Variants in SIK2 observed in about 807,000 individuals in gnomAD.
The protein encoded by SIK2 is serine/threonine-protein kinase SIK2.
Under a neutral mutation model 103.2 loss-of-function variants are expected in SIK2, and 29 were observed. That is an observed-to-expected ratio of 0.28 (90% CI 0.21 to 0.38). The LOEUF is 0.38. Among genes scored for constraint, SIK2 ranks in the 10% least tolerant of loss-of-function variants. SIK2 has a pLI of 1.00. For missense variants in SIK2, 879 were observed against 1,171.0 expected, an observed-to-expected ratio of 0.75 and a Z score of 3.64; for synonymous variants, 412 against 446.1, an observed-to-expected ratio of 0.92 and a Z score of 0.96.
At chr11:111,715,782 G>C (rs1483909695) in intron 9 of SIK2, among the ~76,000 whole-genome samples, 1 of 139,906 alleles carries the variant, frequency 7.1e-6, no homozygotes, top group Admixed American at 7.2e-5. Context: ...GCACACTTGA[G>C]TCATTTTTAG....
chr11:111,723,224 A>G (rs1171441086), intron 14 of SIK2, among the ~76,000 whole-genome samples: 4 of 152,188 alleles, frequency 2.6e-5, no homozygotes, highest in South Asian at 2.1e-4. Flanking sequence ...CAGAAGGGAA[A>G]TCATCCTCTC....
Position 111,722,074 on chromosome 11 carries a change from CT to C in SIK2, c.2055+135del, listed in dbSNP as rs1943819404. 6.8e-6 allele frequency: 4 copies of C among 590,096 alleles called. No homozygotes were observed. The allele number at this position is 590,096 out of a possible 1,614,324, so 36.6% of individuals were successfully genotyped here. On this transcript the variant is annotated intron_variant, in intron 13 of 14. Coordinates refer to ENST00000304987, the MANE Select transcript of SIK2 (RefSeq NM_015191.3). This position sits in a 1 kb window ranked among gnomAD's most constrained non-coding sequence, Gnocchi z 4.4. ...TCCTTATAGGCAAGTAGCTTTGACT[CT>C]GTACTTGGAGTTTCTAGAAACGTGT...
Position 111,688,727 on chromosome 11 carries a change from T to G in SIK2, c.478+565T>G, listed in dbSNP as rs1337876562. Among the ~76,000 whole-genome samples, 1 of 152,238 alleles carries G rather than the reference T, an allele frequency of 6.6e-6. No homozygotes were observed. Among genetic ancestry groups the G allele is most frequent in the African/African-American group, 2.4e-5 (1 of 41,468 alleles). On this transcript the variant is annotated intron_variant, in intron 4 of 14. Coordinates refer to ENST00000304987, the MANE Select transcript of SIK2 (RefSeq NM_015191.3). The surrounding 1 kb of genome is among the most constrained non-coding windows in gnomAD (Gnocchi z 4.2). ...CAGTTGTAAAATGTTTTATTTTATATTCTCAGTCTCTTTATTTACATAGTC... is the reference window on the plus strand; with the variant it reads ...CAGTTGTAAAATGTTTTATTTTATAGTCTCAGTCTCTTTATTTACATAGTC...
chr11:111,633,626 T>C (rs1205397804), intron 3 of SIK2, among the ~76,000 whole-genome samples: 3 of 152,206 alleles, frequency 2.0e-5, no homozygotes, highest in African/African-American at 7.2e-5. Context: ...TCCAGTATAC[T>C]GAGCAGTTTT....
In SIK2 at chr11:111,712,346, A is replaced by G. The variant is rs562930286; in HGVS notation, c.1237A>G (p.Met413Val). The part of the protein sequence containing the change: ...ASGCQAEAAF[M>V]EEECVDTPKV... ...TGGCTGTCAGGCGGAAGCTGCATTCATGGAAGAAGAGTGTGTGGACACTCC... is the reference window on the plus strand; with the variant it reads ...TGGCTGTCAGGCGGAAGCTGCATTCGTGGAAGAAGAGTGTGTGGACACTCC... Residue 413 changes from methionine to valine, a missense_variant, in exon 9 of 15, where the codon ATG (methionine) becomes GTG (valine). Transcript: ENST00000304987. 6 of 1,614,124 alleles carry G rather than the reference A, an allele frequency of 3.7e-6. No homozygotes were observed. Among genetic ancestry groups the G allele is most frequent in the East Asian group, 2.2e-5 (1 of 44,880 alleles).
intron 1 of SIK2, among the ~76,000 whole-genome samples, chr11:111,604,830 T>TG (rs1941627404): frequency 6.6e-6 from 1 of 152,144 alleles, no homozygotes; most frequent in Non-Finnish European, 1.5e-5. Flanking sequence ...TTGAGATGGG[T>TG]GAGGGTATCT....
chr11:111,638,926 C>T (rs1246953565), intron 3 of SIK2, among the ~76,000 whole-genome samples: 1 of 151,956 alleles, frequency 6.6e-6, no homozygotes, highest in Non-Finnish European at 1.5e-5. Context: ...CTTTACATTG[C>T]CAAGTTTCTG....
intron 3 of SIK2, among the ~76,000 whole-genome samples, chr11:111,674,604 TA>T (rs1942676343): frequency 6.6e-6 from 1 of 152,230 alleles, no homozygotes; most frequent in Admixed American, 6.5e-5. Flanking sequence ...GCATGTATAA[TA>T]GTTAAGGAAC....
At chr11:111,712,723 A>G (rs925771412) in intron 9 of SIK2, among the ~76,000 whole-genome samples, 8 of 152,222 alleles carry the variant, frequency 5.3e-5, no homozygotes, top group Admixed American at 5.2e-4. Flanking sequence ...TTAATGCTGA[A>G]AACAAAAAAA....
At chr11:111,659,475 A>C (rs1231653624) in intron 3 of SIK2, among the ~76,000 whole-genome samples, 1 of 152,210 alleles carries the variant, frequency 6.6e-6, no homozygotes, top group Non-Finnish European at 1.5e-5. Context: ...CAGAAAGCTA[A>C]AAGATACCTT....
At position 111,722,580 on chromosome 11, in the gene SIK2, C is replaced by A; in HGVS notation, c.2056-85C>A. On this transcript the variant is annotated intron_variant, in intron 13 of 14. Transcript: ENST00000304987. This position sits in a 1 kb window ranked among gnomAD's most constrained non-coding sequence, Gnocchi z 4.4. ...GGATTCTGTAGAATGCAGTTAGATTCATCCTGCAGGCAGAAGCACATCTGA... is the reference window on the plus strand; with the variant it reads ...GGATTCTGTAGAATGCAGTTAGATTAATCCTGCAGGCAGAAGCACATCTGA... The A allele has an allele frequency of 7.9e-7, 1 of 1,268,480 alleles. No homozygotes were observed. Among genetic ancestry groups the A allele is most frequent in the Non-Finnish European group, 1.1e-6 (1 of 889,500 alleles). The allele number at this position is 1,268,480 out of a possible 1,614,324, so 78.6% of individuals were successfully genotyped here.
chr11:111,690,403 GT>G (rs576329543), intron 4 of SIK2, among the ~76,000 whole-genome samples: 2 of 145,418 alleles, frequency 1.4e-5, no homozygotes, highest in African/African-American at 2.5e-5. Flanking sequence ...TCTAGGAGTT[GT>G]TTTTTTTTCC....
chr11:111,726,868 C>G lies in SIK2; in HGVS notation c.*2739C>G. 2 of 1,113,188 alleles carry G rather than the reference C, an allele frequency of 1.8e-6. No homozygotes were observed. Among genetic ancestry groups the G allele is most frequent in the Non-Finnish European group, 2.7e-6 (2 of 750,796 alleles). 69.0% of individuals were successfully genotyped at this position (1,113,188 alleles called of 1,614,324 possible). ...TGTAAACCAGGCTCCTCTGAAGAGA[C>G]TTTGGTGAGATGAACGTGAGGTAAA... On this transcript the variant is annotated 3_prime_UTR_variant, in exon 15 of 15. Coordinates refer to ENST00000304987, the MANE Select transcript of SIK2 (RefSeq NM_015191.3).
At position 111,693,193 on chromosome 11, in the gene SIK2, A is replaced by G. The variant is rs568868266; in HGVS notation, c.478+5031A>G. On this transcript the variant is annotated intron_variant, in intron 4 of 14. Transcript: ENST00000304987. ...CTAAAAATACAAAAATTAGCTGGGC[A>G]TGGTGGTGCATGCCTGTAATCCCAG... is the stretch of plus-strand genomic sequence containing the variant. Among the ~76,000 whole-genome samples, 105 of 152,198 alleles carry G rather than the reference A, an allele frequency of 6.9e-4. 3 individuals are homozygous for G. In the South Asian group the frequency reaches 0.017, roughly 25 times the overall value.
Position 111,703,190 on chromosome 11 carries a change from G to T in SIK2, c.728-13G>T. ...TGATTCTTGTGACTTTTGTAACATT[G>T]TGTTTTCTATAGATTGCGAGCACCT... On this transcript the variant is annotated splice_polypyrimidine_tract_variant and intron_variant, in intron 6 of 14. Coordinates refer to ENST00000304987, the MANE Select transcript of SIK2 (RefSeq NM_015191.3). 1 of 1,612,458 alleles carries T rather than the reference G, an allele frequency of 6.2e-7. No individual in the cohort carries two copies. Among genetic ancestry groups the T allele is most frequent in the Non-Finnish European group, 8.5e-7 (1 of 1,178,996 alleles).
intron 3 of SIK2, among the ~76,000 whole-genome samples, chr11:111,656,685 T>A (rs1472412509): frequency 6.6e-6 from 1 of 152,250 alleles, no homozygotes; most frequent in Non-Finnish European, 1.5e-5. Context: ...TGTTTCACAT[T>A]GTGCCTTATT....
At chr11:111,637,673 G>C (rs1324608058) in intron 3 of SIK2, among the ~76,000 whole-genome samples, 1 of 151,836 alleles carries the variant, frequency 6.6e-6, no homozygotes, top group Non-Finnish European at 1.5e-5. Context: ...TGTTGACCAG[G>C]CTGGTCTCAA....
chr11:111,720,363 G>A, intron 10 of SIK2, 115 bp from the exon 11 acceptor site: 1 of 1,117,678 alleles, frequency 8.9e-7, no homozygotes, highest in Non-Finnish European at 1.3e-6. Flanking sequence ...AAGATGTTTT[G>A]ATTGGAAATT....
At chr11:111,645,408 C>T (rs962852013) in intron 3 of SIK2, among the ~76,000 whole-genome samples, 5 of 152,094 alleles carry the variant, frequency 3.3e-5, no homozygotes, top group East Asian at 1.9e-4. Flanking sequence ...GTGAATGACT[C>T]GTAAAAACAT....
Sources: gnomAD v4.1 joint callset for allele counts (sites outside exome capture counted in the v4.1 genomes callset) on GRCh38, gnomAD v4.1.1 for gene constraint, Gnocchi (gnomAD v3.1) non-coding constraint, MANE v1.5 for transcripts, NCBI Gene and HGNC (gene_info 2026-07-23, HGNC 2026-07-21) for gene names.